CSF1: variants seen among roughly 807,000 people sequenced by gnomAD.
CSF1 encodes the protein colony stimulating factor 1.
A neutral mutation model predicts 48.9 loss-of-function variants in CSF1; 9 were observed. That is an observed-to-expected ratio of 0.18 (90% CI 0.11 to 0.32). The LOEUF (loss-of-function observed/expected upper bound fraction) is 0.32. Among genes scored for constraint, CSF1 ranks in the 10% least tolerant of loss-of-function variants. The pLI is 1.00. For synonymous variants in CSF1, 305 were observed against 284.1 expected, an observed-to-expected ratio of 1.07 and a Z score of -0.74; for missense variants, 672 against 697.9, an observed-to-expected ratio of 0.96 and a Z score of 0.42.
Position 109,915,709 on chromosome 1 carries a change from T to G in CSF1, c.225+13T>G. Reference sequence around the variant, plus strand: ...CCAGGAACAGTTGGTGAGTGATGGCTTTTTACAAAATCCATGCACCAGCCT... The same window carrying G: ...CCAGGAACAGTTGGTGAGTGATGGCGTTTTACAAAATCCATGCACCAGCCT... On this transcript the variant is annotated intron_variant, in intron 3 of 8. Transcript: ENST00000329608. The G allele has an allele frequency of 5.0e-6, 8 of 1,610,312 alleles. No individual in the cohort carries two copies. Among genetic ancestry groups the G allele is most frequent in the Non-Finnish European group, 6.8e-6 (8 of 1,176,556 alleles).
At chr1:109,916,918 G>C (rs1335242171) in intron 3 of CSF1, among the ~76,000 whole-genome samples, 4 of 152,140 alleles carry the variant, frequency 2.6e-5, no homozygotes, top group Non-Finnish European at 5.9e-5. Context: ...TGGAGGATTT[G>C]AAGGGGCCAT....
chr1:109,918,430 A>ATAGACCACAGGGGGCAGGAATGGAGGC, intron 4 of CSF1, among the ~76,000 whole-genome samples: 1 of 152,172 alleles, frequency 6.6e-6, no homozygotes, highest in Non-Finnish European at 1.5e-5. Flanking sequence ...TATGTGGAGG[A>ATAGACCACAGGGGGCAGGAATGGAGGC]TAGACCACAG....
chr1:109,923,129 C>T (rs1167442947), intron 5 of CSF1, 37 bp from the exon 6 acceptor site: 2 of 1,498,532 alleles, frequency 1.3e-6, no homozygotes, highest in Non-Finnish European at 1.8e-6. Context: ...TATCTCCTCC[C>T]CATCTTTCTC....
At chr1:109,911,509 G>T (rs1277617530) in intron 1 of CSF1, among the ~76,000 whole-genome samples, 1 of 152,212 alleles carries the variant, frequency 6.6e-6, no homozygotes, top group African/African-American at 2.4e-5. Context: ...GCGCTTCTGG[G>T]CAGGGAAAGT....
Position 109,930,216 on chromosome 1 carries a change from A to T in CSF1, c.*1378A>T, listed in dbSNP as rs906120751. The T allele has an allele frequency of 3.3e-5, 5 of 152,288 alleles. No individual in the cohort carries two copies. Among genetic ancestry groups the T allele is most frequent in the Non-Finnish European group, 5.9e-5 (4 of 68,130 alleles). The allele number at this position is 152,288 out of a possible 1,614,324, so 9.4% of individuals were successfully genotyped here. Reference sequence around the variant, plus strand: ...TTCTTTCCTCCTGACCTTGGTCAGCAGTGATGACCTCCAACTCTCACCCAC... The same window carrying T: ...TTCTTTCCTCCTGACCTTGGTCAGCTGTGATGACCTCCAACTCTCACCCAC... On this transcript the variant is annotated 3_prime_UTR_variant, in exon 9 of 9. Transcript: ENST00000329608.
At chr1:109,922,101 G>A in intron 5 of CSF1, 107 bp downstream of exon 5, 3 of 1,332,870 alleles carry the variant, frequency 2.3e-6, no homozygotes, top group Middle Eastern at 2.5e-4. Context: ...CAGCCTGGCT[G>A]CTACTCGTGT....
At chr1:109,920,745 T>C (rs536928871) in intron 4 of CSF1, among the ~76,000 whole-genome samples, 1 of 152,344 alleles carries the variant, frequency 6.6e-6, no homozygotes, top group South Asian at 2.1e-4. Flanking sequence ...AAAAACTTGG[T>C]ATCTGTGATT....
chr1:109,928,998 C>T lies in CSF1; in HGVS notation c.*160C>T. 1 of 152,816 alleles carries T rather than the reference C, an allele frequency of 6.5e-6. No individual in the cohort carries two copies. Among genetic ancestry groups the T allele is most frequent in the East Asian group, 1.9e-4 (1 of 5,196 alleles). 9.5% of individuals were successfully genotyped at this position (152,816 alleles called of 1,614,324 possible). ...TGGACCAGAGCAGCCAGGCTGGGGCCCCTCTGTCTCAACCCGCAGACCCTT... is the reference window on the plus strand; with the variant it reads ...TGGACCAGAGCAGCCAGGCTGGGGCTCCTCTGTCTCAACCCGCAGACCCTT... On this transcript the variant is annotated 3_prime_UTR_variant, in exon 9 of 9. Coordinates refer to ENST00000329608, the MANE Select transcript of CSF1 (RefSeq NM_000757.6).
chr1:109,918,718 A>C (rs1380380122), intron 4 of CSF1, among the ~76,000 whole-genome samples: 1 of 152,154 alleles, frequency 6.6e-6, no homozygotes, highest in Non-Finnish European at 1.5e-5. Flanking sequence ...GAGGGAAGAC[A>C]GTTCAGTCTG....
Position 109,910,908 on chromosome 1 carries a change from T to C in CSF1, c.-116T>C. 1.4e-6 allele frequency: 1 copy of C among 735,556 alleles called. No individual in the cohort carries two copies. Among genetic ancestry groups the C allele is most frequent in the Non-Finnish European group, 1.7e-6 (1 of 584,546 alleles). 45.6% of individuals were successfully genotyped at this position (735,556 alleles called of 1,614,324 possible). A position where few individuals can be genotyped will look rare whatever the true frequency, so the allele number is the denominator to read the frequency against. On this transcript the variant is annotated 5_prime_UTR_variant, in exon 1 of 9. Transcript: ENST00000329608. ...GGTCCTCTCGGCGCCAGAGCCGCTC[T>C]CCGCATCCCAGGACAGCGGTGCGGC...
chr1:109,929,914 A>G lies in CSF1; in HGVS notation c.*1076A>G, dbSNP rs886583191. The stretch of plus-strand genomic sequence containing the variant: ...AGGTTTCTGCATCTTGCACTTTGAC[A>G]TTCCCAAGAGGGAAGGGACTAGTGG... On this transcript the variant is annotated 3_prime_UTR_variant, in exon 9 of 9. Coordinates refer to ENST00000329608, the MANE Select transcript of CSF1 (RefSeq NM_000757.6). 6.6e-6 allele frequency: 1 copy of G among 152,414 alleles called. No homozygotes were observed. Among genetic ancestry groups the G allele is most frequent in the Non-Finnish European group, 1.5e-5 (1 of 68,154 alleles). The allele number at this position is 152,414 out of a possible 1,614,324, so 9.4% of individuals were successfully genotyped here.
At chr1:109,915,930 A>C (rs1654881000) in intron 3 of CSF1, among the ~76,000 whole-genome samples, 1 of 152,178 alleles carries the variant, frequency 6.6e-6, no homozygotes, top group Non-Finnish European at 1.5e-5. Flanking sequence ...CACTTTGCTA[A>C]TGTAGTTCTG....
chr1:109,928,463 C>G (rs918319002), intron 8 of CSF1, among the ~76,000 whole-genome samples: 1 of 152,214 alleles, frequency 6.6e-6, no homozygotes, highest in Non-Finnish European at 1.5e-5. Flanking sequence ...GTTCACTGGA[C>G]CAAGGCCAAT....
At chr1:109,917,494 T>C (rs758414025) in intron 4 of CSF1, 31 bp downstream of exon 4, 11 of 1,610,202 alleles carry the variant, frequency 6.8e-6, no homozygotes, top group Non-Finnish European at 4.2e-6. Context: ...GAGCACTGAG[T>C]GAGGGCAGAG....
At position 109,910,998 on chromosome 1, in the gene CSF1, C is replaced by G. The variant is rs1347288715; in HGVS notation, c.-26C>G. ...AGCGAGCGAGCGAGGGCGGCCGACGCGCCCGGCCGGGACCCAGCTGCCCGT... is the reference window on the plus strand; with the variant it reads ...AGCGAGCGAGCGAGGGCGGCCGACGGGCCCGGCCGGGACCCAGCTGCCCGT... On this transcript the variant is annotated 5_prime_UTR_variant, in exon 1 of 9. Transcript: ENST00000329608. The G allele has an allele frequency of 8.6e-7, 1 of 1,164,560 alleles. No homozygotes were observed. Among genetic ancestry groups the G allele is most frequent in the South Asian group, 3.7e-5 (1 of 27,302 alleles). The allele number at this position is 1,164,560 out of a possible 1,614,324, so 72.1% of individuals were successfully genotyped here.
chr1:109,917,497 G>A (rs771824749), intron 4 of CSF1, 34 bp downstream of exon 4: 257 of 1,608,194 alleles, frequency 1.6e-4, no homozygotes, highest in Non-Finnish European at 1.4e-5. Context: ...CACTGAGTGA[G>A]GGCAGAGGGT....
At chr1:109,919,641 A>G (rs928493893) in intron 4 of CSF1, among the ~76,000 whole-genome samples, 2 of 152,156 alleles carry the variant, frequency 1.3e-5, no homozygotes, top group African/African-American at 4.8e-5. Context: ...ACACACCCCT[A>G]GAGAGTCTGA....
intron 1 of CSF1, among the ~76,000 whole-genome samples, chr1:109,913,471 C>G (rs1654774415): frequency 6.6e-6 from 1 of 152,206 alleles, no homozygotes; most frequent in South Asian, 2.1e-4. Flanking sequence ...AGGAGCCAGT[C>G]CCATCACTCT....
chr1:109,912,414 G>A (rs1654727919), intron 1 of CSF1, among the ~76,000 whole-genome samples: 1 of 152,130 alleles, frequency 6.6e-6, no homozygotes, highest in African/African-American at 2.4e-5. Flanking sequence ...CAGGGCTAGG[G>A]GTGGGAGGAA....
Sources: allele counts gnomAD v4.1 joint callset (sites outside exome capture counted in the v4.1 genomes callset), GRCh38; gene constraint gnomAD v4.1.1; transcripts MANE v1.5; gene names NCBI Gene and HGNC (gene_info 2026-07-23, HGNC 2026-07-21).